Variants in EXT2 observed in about 807,000 individuals in gnomAD.
EXT2 encodes exostosin-2.
Under a neutral mutation model 81.6 loss-of-function variants are expected in EXT2, and 53 were observed. That is an observed-to-expected ratio of 0.65 (90% CI 0.52 to 0.82). The LOEUF (loss-of-function observed/expected upper bound fraction) is 0.82. EXT2 is among the 40% of genes least tolerant of loss of function. EXT2 has a pLI of 0.00. For missense variants in EXT2, 774 were observed against 910.2 expected (o/e 0.85, Z 1.93); for synonymous variants, 320 against 340.0 (o/e 0.94, Z 0.65).
At chr11:44,136,200 C>G (rs1954564088) in intron 7 of EXT2, among the ~76,000 whole-genome samples, 1 of 152,194 alleles carries the variant, frequency 6.6e-6, no homozygotes, top group Admixed American at 6.5e-5. Flanking sequence ...ATGTCCATGA[C>G]AGTTACATAG....
chr11:44,126,691 T>G (rs2135019814), intron 5 of EXT2, 125 bp from the exon 6 acceptor site: 1 of 1,189,982 alleles, frequency 8.4e-7, no homozygotes, highest in African/African-American at 1.5e-5. Flanking sequence ...TTTGGCATTT[T>G]TGTGTCAAGA....
intron 7 of EXT2, among the ~76,000 whole-genome samples, chr11:44,139,743 A>T (rs1302228135): frequency 2.0e-5 from 3 of 152,182 alleles, no homozygotes; most frequent in Non-Finnish European, 4.4e-5. Flanking sequence ...ACGTTAAAAC[A>T]GTGTGAGCGG....
chr11:44,110,779 C>T (rs565772696), intron 3 of EXT2, among the ~76,000 whole-genome samples: 1 of 152,242 alleles, frequency 6.6e-6, no homozygotes, highest in South Asian at 2.1e-4. Context: ...TGAGTACATG[C>T]CAGTGTTTAG....
At chr11:44,202,118 T>C (rs1161654146) in intron 9 of EXT2, among the ~76,000 whole-genome samples, 1 of 152,214 alleles carries the variant, frequency 6.6e-6, no homozygotes. Context: ...AAAGTAACCA[T>C]GTATCTTAAA....
rs1051027476 is a variant in EXT2, at chr11:44,182,416, C to CT, written c.1305+10683dup. Among the ~76,000 whole-genome samples, 36 of 150,678 alleles carry CT rather than the reference C, an allele frequency of 2.4e-4. 1 individual carries two copies. The highest frequency in any genetic ancestry group is 6.0e-4 in the Admixed American group (9 of 15,086). The stretch of plus-strand genomic sequence containing the variant: ...TTATCATTATCCTTGGAAGCTTTAG[C>CT]TTTTTTTTTGCTTTGCCATGTAGGT... On this transcript the variant is annotated intron_variant, in intron 8 of 13. Coordinates refer to ENST00000533608, the MANE Select transcript of EXT2 (RefSeq NM_207122.2).
chr11:44,232,975 A>AT (rs1381971542), intron 11 of EXT2, among the ~76,000 whole-genome samples: 1 of 152,144 alleles, frequency 6.6e-6, no homozygotes, highest in East Asian at 1.9e-4. Flanking sequence ...TACTTTCTAA[A>AT]TTTTTGCTAT....
chr11:44,153,000 C>G (rs2086543138), intron 7 of EXT2, among the ~76,000 whole-genome samples: 1 of 152,168 alleles, frequency 6.6e-6, no homozygotes, highest in African/African-American at 2.4e-5. Context: ...GTTGCCTATT[C>G]TGGATCTTTA....
intron 7 of EXT2, among the ~76,000 whole-genome samples, chr11:44,153,725 G>T (rs1590600707): frequency 6.6e-6 from 1 of 152,042 alleles, no homozygotes; most frequent in African/African-American, 2.4e-5. Context: ...TCATGAATAA[G>T]TATTGGATTT....
In EXT2 at chr11:44,108,262, A is replaced by G. The variant is rs770385124; in HGVS notation, c.536+14A>G. On this transcript the variant is annotated intron_variant, in intron 2 of 13. Coordinates refer to ENST00000533608, the MANE Select transcript of EXT2 (RefSeq NM_207122.2). ...CCAGCTCTCTAGGTATCTCACACTCATACAGCCCAGCCCCCAGGAGATACT... is the reference window on the plus strand; with the variant it reads ...CCAGCTCTCTAGGTATCTCACACTCGTACAGCCCAGCCCCCAGGAGATACT... 19 of 1,609,486 alleles carry G rather than the reference A, an allele frequency of 1.2e-5. No homozygotes were observed. In the Admixed American group the frequency reaches 3.2e-4, roughly 27 times the overall value.
At chr11:44,212,144 G>A (rs1435773559) in intron 10 of EXT2, among the ~76,000 whole-genome samples, 1 of 151,774 alleles carries the variant, frequency 6.6e-6, no homozygotes, top group East Asian at 1.9e-4. Flanking sequence ...AATTAGCCGG[G>A]TATGGTGATA....
chr11:44,236,976 A>C lies in EXT2; in HGVS notation c.2018+601A>C, dbSNP rs541101452. ...TAAGAATTAAAAGAGTGGGAGATGT[A>C]TGTCTTCCGTTAAGACTATACTAGA... is the stretch of plus-strand genomic sequence containing the variant. On this transcript the variant is annotated intron_variant, in intron 13 of 13. Coordinates refer to ENST00000533608, the MANE Select transcript of EXT2 (RefSeq NM_207122.2). Among the ~76,000 whole-genome samples, 12 of 152,310 alleles carry C rather than the reference A, an allele frequency of 7.9e-5. No homozygotes were observed. In the South Asian group the frequency reaches 2.5e-3, roughly 32 times the overall value.
rs1405107639 is a variant in EXT2 at position 44,107,987 on chromosome 11, A to G, written c.275A>G (p.Asp92Gly). 1.2e-6 allele frequency: 2 copies of G among 1,614,052 alleles called. No homozygotes were observed. Among genetic ancestry groups the G allele is most frequent in the Non-Finnish European group, 1.7e-6 (2 of 1,180,034 alleles). ...AGTTGCAGAATGCACACGTGTTTTGATGTCTATCGCTGTGGCTTCAACCCA... is the reference window on the plus strand; with the variant it reads ...AGTTGCAGAATGCACACGTGTTTTGGTGTCTATCGCTGTGGCTTCAACCCA... ...DLSCRMHTCF[D>G]VYRCGFNPKN... is the part of the protein sequence containing the mutation. Residue 92 changes from aspartate (D) to glycine (G), a missense_variant, in exon 2 of 14, where the codon GAT (aspartate) becomes GGT (glycine). Transcript: ENST00000533608.
Position 44,206,826 on chromosome 11 carries a change from A to C in EXT2, c.1529A>C (p.Lys510Thr), listed in dbSNP as rs1352046746. ...TGGCCCAAAATCCGGGTTCCATTAA[A>C]AGTTGTGAGGACTGCTGAAAACAAG... ...SLWPKIRVPL[K>T]VVRTAENKLS... Residue 510 changes from lysine (K) to threonine (T), a missense_variant, in exon 10 of 14, where the codon AAA (lysine) becomes ACA (threonine). By Grantham distance (78) the Lys-to-Thr change is moderately conservative (BLOSUM62 -1). Around this residue, in one of 2 missense-constraint regions of EXT2, gnomAD observed 626 missense variants for 670.5 expected, o/e 0.93. Coordinates refer to ENST00000533608, the MANE Select transcript of EXT2 (RefSeq NM_207122.2). The C allele has an allele frequency of 1.9e-6, 3 of 1,614,044 alleles. No homozygotes were observed. The South Asian group carries it at 3.3e-5, about 18-fold the overall frequency.
At chr11:44,139,133 T>G (rs1365319885) in intron 7 of EXT2, among the ~76,000 whole-genome samples, 6 of 148,656 alleles carry the variant, frequency 4.0e-5, no homozygotes, top group Admixed American at 2.7e-4. Flanking sequence ...TTTTTTTTTT[T>G]GCGTGTGTGT....
intron 10 of EXT2, among the ~76,000 whole-genome samples, chr11:44,212,028 G>A (rs1321619312): frequency 6.6e-6 from 1 of 152,112 alleles, no homozygotes; most frequent in East Asian, 1.9e-4. Flanking sequence ...GCTCACACCT[G>A]TAATCCCAGC....
chr11:44,170,945 A>G (rs929991237), intron 7 of EXT2, among the ~76,000 whole-genome samples: 3 of 152,342 alleles, frequency 2.0e-5, no homozygotes, highest in African/African-American at 7.2e-5. Context: ...CTGATCTTGC[A>G]TAAAAGTTCT....
At chr11:44,179,536 CA>C (rs1955205588) in intron 8 of EXT2, among the ~76,000 whole-genome samples, 2 of 152,274 alleles carry the variant, frequency 1.3e-5, no homozygotes, top group South Asian at 4.1e-4. Context: ...AATGTTTTGG[CA>C]AAGTAATCTT....
intron 10 of EXT2, among the ~76,000 whole-genome samples, chr11:44,216,861 A>T (rs1371464969): frequency 6.6e-6 from 1 of 151,516 alleles, no homozygotes; most frequent in Non-Finnish European, 1.5e-5. Flanking sequence ...TTGAAAATTG[A>T]TAGTGCACTC....
intron 5 of EXT2, among the ~76,000 whole-genome samples, chr11:44,126,400 C>T (rs189791871): frequency 2.4e-4 from 36 of 152,270 alleles, no homozygotes; most frequent in Admixed American, 1.9e-3. Context: ...CTGAAATTCC[C>T]AGACAAAATA....
Sources: gnomAD v4.1 joint callset for allele counts (sites outside exome capture counted in the v4.1 genomes callset) on GRCh38, gnomAD v4.1.1 for gene constraint, gnomAD v4.1.1 regional missense constraint, MANE v1.5 for transcripts, NCBI Gene and HGNC (gene_info 2026-07-23, HGNC 2026-07-21) for gene names.